Variants in RBFOX1 observed in about 807,000 individuals in gnomAD.
RBFOX1 encodes the protein RNA binding fox-1 homolog 1.
In RBFOX1, 8 loss-of-function variants were observed where a neutral mutation model predicts 57.7. That is an observed-to-expected ratio of 0.14 (90% confidence interval 0.08 to 0.25). The LOEUF (loss-of-function observed/expected upper bound fraction) is 0.25. Among genes scored for constraint, RBFOX1 ranks in the 10% least tolerant of loss-of-function variants. RBFOX1 has a pLI of 1.00. For synonymous variants in RBFOX1, 326 were observed against 222.4 expected (o/e 1.47, Z -4.15); for missense variants, 611 against 548.5 (o/e 1.11, Z -1.14).
At chr16:6,834,860 G>C (rs1251076832) in intron 3 of RBFOX1, among the ~76,000 whole-genome samples, 3 of 148,306 alleles carry the variant, frequency 2.0e-5, no homozygotes, top group Non-Finnish European at 3.0e-5. Context: ...AGTTCATTTT[G>C]GCCAATTAAC....
chr16:6,654,617 C>G lies in RBFOX1; in HGVS notation c.-49C>G. On this transcript the variant is annotated 5_prime_UTR_variant, in exon 3 of 16. Transcript: ENST00000550418. ...TCTCTTCTCAGGATATCAAAGCAGA[C>G]TGCAATACCTGCGTGGAAATAGAAG... 1 of 1,506,888 alleles carries G rather than the reference C, an allele frequency of 6.6e-7. No individual in the cohort carries two copies. The highest frequency in any genetic ancestry group is 8.8e-7 in the Non-Finnish European group (1 of 1,136,820). The allele number at this position is 1,506,888 out of a possible 1,614,324, so 93.3% of individuals were successfully genotyped here. A position where few individuals can be genotyped will look rare whatever the true frequency, so the allele number is the denominator to read the frequency against.
At chr16:5,986,732 T>G (rs1221689819) in intron 4 of RBFOX1, among the ~76,000 whole-genome samples, 2 of 152,232 alleles carry the variant, frequency 1.3e-5, no homozygotes, top group African/African-American at 4.8e-5. Context: ...CTTTCATTGC[T>G]GAATAGTGTC....
chr16:6,277,455 T>A (rs1405946241), intron 1 of RBFOX1, among the ~76,000 whole-genome samples: 14 of 14,850 alleles, frequency 9.4e-4, no homozygotes, highest in Admixed American at 9.1e-4. Context: ...AGAGTCTGTC[T>A]CCCAAAAAAA....
intron 4 of RBFOX1, among the ~76,000 whole-genome samples, chr16:7,088,575 G>A (rs897005380): frequency 1.3e-5 from 2 of 151,390 alleles, no homozygotes; most frequent in Non-Finnish European, 2.9e-5. Flanking sequence ...ATTAAAATAA[G>A]AGCAATGAAG....
At chr16:6,831,855 G>C (rs7199165) in intron 3 of RBFOX1, among the ~76,000 whole-genome samples, 2 of 152,104 alleles carry the variant, frequency 1.3e-5, no homozygotes, top group Non-Finnish European at 2.9e-5. Context: ...TGAATGCTAG[G>C]GAGCATCATT....
At chr16:7,076,010 C>G (rs2058226570) in intron 4 of RBFOX1, among the ~76,000 whole-genome samples, 2 of 151,372 alleles carry the variant, frequency 1.3e-5, no homozygotes, top group South Asian at 4.2e-4. Context: ...CACCAGTTGT[C>G]AGTTTCTATT....
rs536510836 is a variant in RBFOX1 at position 5,814,705 on chromosome 16, G to A, written c.319-52598G>A. Among the ~76,000 whole-genome samples the A allele has an allele frequency of 3.6e-3, 553 of 152,244 alleles. 3 individuals carry two copies. Among genetic ancestry groups the A allele is most frequent in the Non-Finnish European group, 5.9e-3 (399 of 68,022 alleles). Reference sequence around the variant, plus strand: ...GCACTTTGGGAGGCCGAGGCGGGTGGATCATGAGGTCAGGAGATCGAGACC... The same window carrying A: ...GCACTTTGGGAGGCCGAGGCGGGTGAATCATGAGGTCAGGAGATCGAGACC... On this transcript the variant is annotated intron_variant, in intron 3 of 19. Transcript: ENST00000641259.
chr16:6,356,092 A>G (rs1455997185), intron 2 of RBFOX1, among the ~76,000 whole-genome samples: 1 of 152,242 alleles, frequency 6.6e-6, no homozygotes, highest in Non-Finnish European at 1.5e-5. Flanking sequence ...AAATTAATAC[A>G]TGGAAGTAGA....
chr16:6,559,667 C>G (rs1252329890), intron 2 of RBFOX1, among the ~76,000 whole-genome samples: 2 of 152,006 alleles, frequency 1.3e-5, no homozygotes, highest in African/African-American at 4.8e-5. Context: ...CCCACACACA[C>G]AAATAAGTAC....
At chr16:6,326,419 A>G (rs1390414439) in intron 2 of RBFOX1, among the ~76,000 whole-genome samples, 1 of 152,200 alleles carries the variant, frequency 6.6e-6, no homozygotes, top group Non-Finnish European at 1.5e-5. Context: ...CAGGAATGTA[A>G]GGATGTGATT....
intron 3 of RBFOX1, among the ~76,000 whole-genome samples, chr16:5,725,573 G>C (rs1203667344): frequency 6.6e-6 from 1 of 151,442 alleles, no homozygotes; most frequent in Non-Finnish European, 1.5e-5. Context: ...CATAGCTTAA[G>C]ATATGTTTCT....
chr16:7,373,041 C>T (rs908858147), intron 4 of RBFOX1, among the ~76,000 whole-genome samples: 2 of 151,836 alleles, frequency 1.3e-5, no homozygotes, highest in African/African-American at 4.8e-5. Context: ...TAGCCATTCT[C>T]TTGCCTCAGC....
chr16:7,246,802 C>T (rs570172264), intron 4 of RBFOX1, among the ~76,000 whole-genome samples: 5 of 152,144 alleles, frequency 3.3e-5, no homozygotes, highest in South Asian at 2.1e-4. Context: ...TCAGGTTCAA[C>T]GACTGGCTGA....
chr16:6,059,751 C>T (rs150242216), intron 1 of RBFOX1, among the ~76,000 whole-genome samples: 1 of 152,186 alleles, frequency 6.6e-6, no homozygotes, highest in African/African-American at 2.4e-5. Context: ...TTATCTATTT[C>T]AGCCAAATTC....
At chr16:6,040,745 C>A (rs558598593) in intron 1 of RBFOX1, among the ~76,000 whole-genome samples, 1 of 152,242 alleles carries the variant, frequency 6.6e-6, no homozygotes, top group Admixed American at 6.5e-5. Flanking sequence ...CAGGCACCCA[C>A]CACCATGCCT....
chr16:5,369,305 AGT>A (rs1181461070), intron 1 of RBFOX1, among the ~76,000 whole-genome samples: 2 of 152,182 alleles, frequency 1.3e-5, no homozygotes, highest in Admixed American at 6.5e-5. Flanking sequence ...CCTGGCCCAT[AGT>A]TTTTTAAAAT....
At chr16:7,048,807 A>T (rs1460326872) in intron 3 of RBFOX1, among the ~76,000 whole-genome samples, 1 of 152,128 alleles carries the variant, frequency 6.6e-6, no homozygotes, top group Non-Finnish European at 1.5e-5. Context: ...GGGTATATTG[A>T]ATATTGTGTT....
chr16:7,660,932 C>G (rs1029004084), intron 12 of RBFOX1, among the ~76,000 whole-genome samples: 2 of 152,166 alleles, frequency 1.3e-5, no homozygotes, highest in African/African-American at 4.8e-5. Context: ...ACCCAACTCT[C>G]TTTCAGTTTC....
intron 3 of RBFOX1, among the ~76,000 whole-genome samples, chr16:6,778,532 G>T (rs1205226861): frequency 6.6e-6 from 1 of 152,024 alleles, no homozygotes; most frequent in Non-Finnish European, 1.5e-5. Context: ...ATTAATATCT[G>T]ATCGCTGTTC....
Sources: gnomAD v4.1 joint callset for allele counts (sites outside exome capture counted in the v4.1 genomes callset) on GRCh38, gnomAD v4.1.1 for gene constraint, MANE v1.5 for transcripts, NCBI Gene and HGNC (gene_info 2026-07-23, HGNC 2026-07-21) for gene names.